Variants in CLTA observed in about 807,000 individuals in gnomAD.
CLTA encodes clathrin light chain A, also known as clathrin, light polypeptide (Lca).
CLTA carries 9 observed loss-of-function variants against 26.9 expected under a neutral mutation model. The ratio of observed to expected loss-of-function variants is 0.33; its 90% CI spans 0.20 to 0.58. The LOEUF is 0.58. Ranked by LOEUF, CLTA falls within the 20% of genes least tolerant of loss-of-function variation. The probability of loss-of-function intolerance (pLI) is 0.85; values close to 1 mark genes in which losing one functional copy is unlikely to be tolerated. For missense variants in CLTA, 278 were observed against 294.2 expected (o/e 0.94, Z 0.40); for synonymous variants, 120 against 115.5 (o/e 1.04, Z -0.25).
intron 3 of CLTA, among the ~76,000 whole-genome samples, chr9:36,199,911 G>A (rs1450375875): frequency 4.6e-5 from 7 of 152,186 alleles, no homozygotes. Context: ...GGTAGAATAA[G>A]TATTTGGAAT....
intron 3 of CLTA, among the ~76,000 whole-genome samples, chr9:36,203,354 G>A (rs748604977): frequency 2.6e-5 from 4 of 152,184 alleles, no homozygotes; most frequent in Non-Finnish European, 5.9e-5. Context: ...TCTCTCCAGT[G>A]GAGTTTCTTT....
At chr9:36,203,933 C>T in intron 3 of CLTA, 135 bp from the exon 4 acceptor site, 1 of 1,225,768 alleles carries the variant, frequency 8.2e-7, no homozygotes, top group Non-Finnish European at 1.1e-6. Flanking sequence ...CTTCCCCTCT[C>T]TACTCTTCTC....
intron 3 of CLTA, among the ~76,000 whole-genome samples, chr9:36,203,641 A>G (rs934802911): frequency 1.3e-5 from 2 of 152,244 alleles, no homozygotes; most frequent in African/African-American, 4.8e-5. Flanking sequence ...TGAATACCCT[A>G]CTATGAACTA....
chr9:36,192,374 T>C (rs1436191909), intron 1 of CLTA, among the ~76,000 whole-genome samples: 2 of 152,230 alleles, frequency 1.3e-5, no homozygotes, highest in African/African-American at 4.8e-5. Flanking sequence ...CAGTCTCAAG[T>C]TACTGTGCCA....
upstream of CLTA, chr9:36,190,886 A>C (rs1268261184): frequency 1.9e-5 from 23 of 1,196,330 alleles, no homozygotes; most frequent in Non-Finnish European, 2.5e-5. Context: ...GCTCTGCAAC[A>C]CCGCCTAGAC....
At chr9:36,193,045 A>T (rs1329954067) in intron 1 of CLTA, among the ~76,000 whole-genome samples, 1 of 152,246 alleles carries the variant, frequency 6.6e-6, no homozygotes, top group Non-Finnish European at 1.5e-5. Context: ...GAACTGACAG[A>T]TCTTGGTGAC....
At chr9:36,202,079 A>G (rs1827447350) in intron 3 of CLTA, among the ~76,000 whole-genome samples, 1 of 152,174 alleles carries the variant, frequency 6.6e-6, no homozygotes, top group African/African-American at 2.4e-5. Context: ...CTACTGCAGT[A>G]CAGCCTGGGC....
At chr9:36,209,218 C>G (rs1243449587) in intron 4 of CLTA, 1 of 1,611,834 alleles carries the variant, frequency 6.2e-7, no homozygotes, top group Non-Finnish European at 8.5e-7. Flanking sequence ...TCAATGTTCT[C>G]TCTTTTTTCC....
At chr9:36,206,971 G>A (rs992222455) in intron 4 of CLTA, among the ~76,000 whole-genome samples, 3 of 152,174 alleles carry the variant, frequency 2.0e-5, no homozygotes, top group Non-Finnish European at 2.9e-5. Context: ...TTCTGCAGTA[G>A]CTAGATGTTA....
At chr9:36,210,091 TTTTTTTCTTTTTTTC>T (rs1285063149) in intron 4 of CLTA, among the ~76,000 whole-genome samples, 14 of 148,808 alleles carry the variant, frequency 9.4e-5, no homozygotes, top group African/African-American at 2.3e-4. Flanking sequence ...CTTATTCTTT[TTTTTTTCTTTTTTTC>T]TTTTTTCTTT....
intron 4 of CLTA, among the ~76,000 whole-genome samples, chr9:36,209,694 G>C (rs930709291): frequency 1.3e-5 from 2 of 152,210 alleles, no homozygotes; most frequent in Admixed American, 1.3e-4. Flanking sequence ...GTGGGAAGGA[G>C]GTTTCCCCAC....
At chr9:36,194,638 GT>G (rs1826923924) in intron 1 of CLTA, among the ~76,000 whole-genome samples, 1 of 152,172 alleles carries the variant, frequency 6.6e-6, no homozygotes, top group Non-Finnish European at 1.5e-5. Context: ...GACTTCAAAT[GT>G]TTCTGGAATG....
At chr9:36,201,821 T>C (rs1419360169) in intron 3 of CLTA, among the ~76,000 whole-genome samples, 1 of 152,138 alleles carries the variant, frequency 6.6e-6, no homozygotes, top group Non-Finnish European at 1.5e-5. Context: ...ATTAGATGTT[T>C]ACTGTAGAGG....
chr9:36,209,763 T>A (rs1466952472), intron 4 of CLTA, among the ~76,000 whole-genome samples: 1 of 152,184 alleles, frequency 6.6e-6, no homozygotes, highest in African/African-American at 2.4e-5. Context: ...CACCTTGCAT[T>A]GCCAAAATCA....
chr9:36,191,066 C>T lies in CLTA; in HGVS notation c.10C>T (p.Leu4=), dbSNP rs1251307061. The T allele has an allele frequency of 6.4e-7, 1 of 1,569,534 alleles. No homozygotes were observed. The highest frequency in any genetic ancestry group is 1.7e-4 in the Middle Eastern group (1 of 5,886). MAE[L]DPFGAPAGAP... ...CGTTCAGTTGCCCGCCATGGCTGAG[C>T]TGGATCCGTTCGGCGCCCCTGCCGG... The change falls in exon 1 of 5, where the codon CTG becomes TTG. Residue 4 remains leucine (L), a synonymous_variant. Transcript: ENST00000345519.
intron 1 of CLTA, 68 bp from the exon 2 acceptor site, chr9:36,197,483 A>C: frequency 9.4e-7 from 1 of 1,065,094 alleles, no homozygotes; most frequent in South Asian, 1.3e-5. Context: ...GCTGTATTCT[A>C]CTGTACAACC....
chr9:36,191,119 C>T lies in CLTA; in HGVS notation c.63C>T (p.Asn21=). 1 of 1,600,242 alleles carries T rather than the reference C, an allele frequency of 6.2e-7. No individual in the cohort carries two copies. The highest frequency in any genetic ancestry group is 2.3e-5 in the East Asian group (1 of 43,948). ...CCCCTGGCGGTCCCGCGCTGGGGAACGGAGTGGCCGGCGCCGGCGAAGAAG... is the reference window on the plus strand; with the variant it reads ...CCCCTGGCGGTCCCGCGCTGGGGAATGGAGTGGCCGGCGCCGGCGAAGAAG... ...AGAPGGPALG[N]GVAGAGEEDP... The change falls in exon 1 of 5, where the codon AAC becomes AAT. Residue 21 remains asparagine (N), a synonymous_variant. Coordinates refer to ENST00000345519, the MANE Select transcript of CLTA (RefSeq NM_001833.4).
chr9:36,203,816 T>A lies in CLTA; in HGVS notation c.374-252T>A, dbSNP rs58604197. Among the ~76,000 whole-genome samples the A allele has an allele frequency of 5.0e-3, 760 of 152,244 alleles. 6 individuals carry two copies. Among genetic ancestry groups the A allele is most frequent in the African/African-American group, 0.017 (721 of 41,532 alleles). ...ACAAAACTAATGACCCACTAAGATG[T>A]CAGTGGACTGGGATAAGACCAGGAA... On this transcript the variant is annotated intron_variant, in intron 3 of 4. Transcript: ENST00000345519.
At chr9:36,194,113 C>A (rs897742471) in intron 1 of CLTA, among the ~76,000 whole-genome samples, 1 of 152,140 alleles carries the variant, frequency 6.6e-6, no homozygotes, top group Non-Finnish European at 1.5e-5. Flanking sequence ...GCAACCTCCG[C>A]CTCCTGGGTT....
Sources: gnomAD v4.1 joint callset for allele counts (sites outside exome capture counted in the v4.1 genomes callset) on GRCh38, gnomAD v4.1.1 for gene constraint, MANE v1.5 for transcripts, NCBI Gene and HGNC (gene_info 2026-07-23, HGNC 2026-07-21) for gene names.